Variants in OCIAD2 observed in about 807,000 individuals in gnomAD.
OCIAD2 encodes OCIA domain containing 2, also known as OCIA domain-containing protein 2.
A neutral mutation model predicts 22.9 loss-of-function variants in OCIAD2; 29 were observed. The observed-to-expected ratio is 1.27, with a 90% CI of 0.94 to 1.73. The LOEUF (loss-of-function observed/expected upper bound fraction) is 1.73, where lower values mean the gene tolerates loss of function less well. Ranked by LOEUF, OCIAD2 falls within the 40% of genes most tolerant of loss-of-function variation. The probability of loss-of-function intolerance (pLI) is 0.00; values close to 1 mark genes in which losing one functional copy is unlikely to be tolerated. For missense variants in OCIAD2, 189 were observed against 180.3 expected, an observed-to-expected ratio of 1.05 and a Z score of -0.28; for synonymous variants, 67 against 60.2, an observed-to-expected ratio of 1.11 and a Z score of -0.52.
Position 48,885,126 on chromosome 4 carries a change from T to A in OCIAD2, c.*358A>T, listed in dbSNP as rs886650729. The A allele has an allele frequency of 2.2e-5, 4 of 183,370 alleles. No homozygotes were observed. Among genetic ancestry groups the A allele is most frequent in the African/African-American group, 2.4e-5 (1 of 41,902 alleles). The allele number at this position is 183,370 out of a possible 1,614,324, so 11.4% of individuals were successfully genotyped here. On this transcript the variant is annotated 3_prime_UTR_variant, in exon 7 of 7. Transcript: ENST00000508632. ...TCAGCCTCCCTCTCAGTAGCTGGGA[T>A]TACAGGCATGTGCCACCACGCCTGG...
At chr4:48,892,424 CATAG>C (rs1781197692) in intron 6 of OCIAD2, among the ~76,000 whole-genome samples, 2 of 152,068 alleles carry the variant, frequency 1.3e-5, no homozygotes, top group African/African-American at 4.8e-5. Flanking sequence ...ACAGTATTAA[CATAG>C]AAAAAGCTCT....
At chr4:48,903,863 T>C (rs1325134919) in intron 2 of OCIAD2, among the ~76,000 whole-genome samples, 1 of 152,004 alleles carries the variant, frequency 6.6e-6, no homozygotes, top group Non-Finnish European at 1.5e-5. Context: ...GCCAGGATGG[T>C]CTCGATCTCT....
In OCIAD2 at chr4:48,897,827, A is replaced by AC. The variant is rs747486347; in HGVS notation, c.193dup (p.Val65GlyfsTer14). The AC allele has an allele frequency of 1.2e-6, 2 of 1,612,804 alleles. No homozygotes were observed. Among genetic ancestry groups the AC allele is most frequent in the South Asian group, 2.2e-5 (2 of 90,988 alleles). The stretch of plus-strand genomic sequence containing the variant: ...ACCTTGGTAGACTAGTCCCTGGGTG[A>AC]CAAGCATGCTTACAAGAGAAAAAGG... On this transcript the variant is annotated frameshift_variant, in exon 4 of 7. Coordinates refer to ENST00000508632, the MANE Select transcript of OCIAD2 (RefSeq NM_001014446.3). LOFTEE classifies it high-confidence loss of function.
At chr4:48,903,736 C>G (rs959536198) in intron 2 of OCIAD2, among the ~76,000 whole-genome samples, 1 of 150,422 alleles carries the variant, frequency 6.6e-6, no homozygotes, top group Non-Finnish European at 1.5e-5. Flanking sequence ...AGCTCCGCCT[C>G]CTGGGTTCAT....
rs550393030 is a variant in OCIAD2 at position 48,902,701 on chromosome 4, C to T, written c.66+1783G>A. Among the ~76,000 whole-genome samples, 9 of 152,326 alleles carry T rather than the reference C, an allele frequency of 5.9e-5. No homozygotes were observed. In the South Asian group the frequency reaches 1.2e-3, roughly 21 times the overall value. ...TCCAGTCCTGCCATCAGCCTGTAATCCCAGGCTTTGGGAGGCTGAGGCGGG... is the reference window on the plus strand; with the variant it reads ...TCCAGTCCTGCCATCAGCCTGTAATTCCAGGCTTTGGGAGGCTGAGGCGGG... On this transcript the variant is annotated intron_variant, in intron 2 of 6. Coordinates refer to ENST00000508632, the MANE Select transcript of OCIAD2 (RefSeq NM_001014446.3).
intron 6 of OCIAD2, 68 bp downstream of exon 6, chr4:48,892,704 T>G (rs1781202726): frequency 1.3e-6 from 1 of 779,868 alleles, no homozygotes; most frequent in Admixed American, 2.7e-5. Context: ...ATATTATAAA[T>G]AGTGAGTAAT....
chr4:48,893,888 C>G, intron 5 of OCIAD2, 118 bp downstream of exon 5: 1 of 459,190 alleles, frequency 2.2e-6, no homozygotes, highest in South Asian at 6.2e-5. Flanking sequence ...CACCATGCTG[C>G]CCAGGCTGGT....
chr4:48,900,898 GGT>G (rs1309590072), intron 2 of OCIAD2, among the ~76,000 whole-genome samples: 1 of 151,938 alleles, frequency 6.6e-6, no homozygotes, highest in Non-Finnish European at 1.5e-5. Context: ...CCAGCCTTGC[GGT>G]GTTTTTTTAA....
At chr4:48,885,648 T>G in intron 6 of OCIAD2, 83 bp from the exon 7 acceptor site, 2 of 764,744 alleles carry the variant, frequency 2.6e-6, no homozygotes, top group East Asian at 2.6e-5. Flanking sequence ...ATTCTTATTA[T>G]TTTAACATAA....
intron 4 of OCIAD2, among the ~76,000 whole-genome samples, chr4:48,894,697 T>A (rs571328155): frequency 8.5e-5 from 13 of 152,268 alleles, no homozygotes; most frequent in South Asian, 4.2e-4. Flanking sequence ...CTCTTTTTTT[T>A]AAAATTATAC....
At chr4:48,897,749 T>C in intron 4 of OCIAD2, 55 bp downstream of exon 4, 3 of 1,346,640 alleles carry the variant, frequency 2.2e-6, no homozygotes, top group Non-Finnish European at 3.2e-6. Context: ...GCCAGGAGGG[T>C]CACAGTAAAC....
At position 48,885,480 on chromosome 4, in the gene OCIAD2, G is replaced by T. The variant is rs373172740; in HGVS notation, c.*4C>A. The stretch of plus-strand genomic sequence containing the variant: ...AAAAACTTCGAAAGTCACAGACACA[G>T]AATTTAGGAAGCTGAAGGCTGAGAG... On this transcript the variant is annotated 3_prime_UTR_variant, in exon 7 of 7. Coordinates refer to ENST00000508632, the MANE Select transcript of OCIAD2 (RefSeq NM_001014446.3). 2.4e-5 allele frequency: 38 copies of T among 1,567,560 alleles called. No individual in the cohort carries two copies. The highest frequency in any genetic ancestry group is 3.2e-5 in the Non-Finnish European group (37 of 1,138,632).
Position 48,892,735 on chromosome 4 carries a change from A to C in OCIAD2, c.383+37T>G, listed in dbSNP as rs199636499. The C allele has an allele frequency of 7.2e-5, 71 of 980,932 alleles. No individual in the cohort carries two copies. In the East Asian group the frequency reaches 1.6e-3, roughly 22 times the overall value. The allele number at this position is 980,932 out of a possible 1,614,324, so 60.8% of individuals were successfully genotyped here. A position where few individuals can be genotyped will look rare whatever the true frequency, so the allele number is the denominator to read the frequency against. On this transcript the variant is annotated intron_variant, in intron 6 of 6. Coordinates refer to ENST00000508632, the MANE Select transcript of OCIAD2 (RefSeq NM_001014446.3). ...GTAATCTTTCATTTAATTTCTTATA[A>C]TTACATTACAATCCCTCAACCAAAC...
chr4:48,895,565 G>A (rs757916630), intron 4 of OCIAD2, among the ~76,000 whole-genome samples: 11 of 152,110 alleles, frequency 7.2e-5, no homozygotes, highest in Non-Finnish European at 1.3e-4. Flanking sequence ...CATGATAATG[G>A]TAGTAATCAA....
intron 1 of OCIAD2, among the ~76,000 whole-genome samples, chr4:48,906,115 A>G (rs1209804026): frequency 6.6e-6 from 1 of 152,124 alleles, no homozygotes; most frequent in African/African-American, 2.4e-5. Context: ...AGGCAAATAT[A>G]CCTCTCAGCT....
rs1342458796 is a variant in OCIAD2, at chr4:48,885,223, A to C, written c.*261T>G. ...AAGCTGGTCATGAACTCCTGACCTCAAATGATCTGCCTGCCTCGGCCTCCC... is the reference window on the plus strand; with the variant it reads ...AAGCTGGTCATGAACTCCTGACCTCCAATGATCTGCCTGCCTCGGCCTCCC... On this transcript the variant is annotated 3_prime_UTR_variant, in exon 7 of 7. Coordinates refer to ENST00000508632, the MANE Select transcript of OCIAD2 (RefSeq NM_001014446.3). The C allele has an allele frequency of 2.9e-6, 1 of 347,404 alleles. No individual in the cohort carries two copies. Among genetic ancestry groups the C allele is most frequent in the African/African-American group, 2.1e-5 (1 of 46,954 alleles). 21.5% of individuals were successfully genotyped at this position (347,404 alleles called of 1,614,324 possible).
chr4:48,891,282 C>A (rs56393041), intron 6 of OCIAD2, among the ~76,000 whole-genome samples: 1 of 152,160 alleles, frequency 6.6e-6, no homozygotes, highest in African/African-American at 2.4e-5. Context: ...TCCCCTCCAC[C>A]TCAACTGAGT....
rs1292045061 is a variant in OCIAD2 at position 48,891,864 on chromosome 4, G to C, written c.383+908C>G. Among the ~76,000 whole-genome samples the C allele has an allele frequency of 3.3e-5, 5 of 152,316 alleles. No homozygotes were observed. The South Asian group carries it at 1.0e-3, about 32-fold the overall frequency. ...GGAAAACAGATGATCTGAGGTGACA[G>C]ACCATTTTCCACCCACTGCTAATGG... On this transcript the variant is annotated intron_variant, in intron 6 of 6. Coordinates refer to ENST00000508632, the MANE Select transcript of OCIAD2 (RefSeq NM_001014446.3).
chr4:48,891,466 C>T (rs916293981), intron 6 of OCIAD2, among the ~76,000 whole-genome samples: 5 of 152,122 alleles, frequency 3.3e-5, no homozygotes, highest in Non-Finnish European at 5.9e-5. Context: ...CAAAATGAAA[C>T]CCCAGAACAC....
Sources: gnomAD v4.1 joint callset for allele counts (sites outside exome capture counted in the v4.1 genomes callset) on GRCh38, gnomAD v4.1.1 for gene constraint, MANE v1.5 for transcripts, NCBI Gene and HGNC (gene_info 2026-07-23, HGNC 2026-07-21) for gene names.